Variants in TRIM36 observed in about 807,000 individuals in gnomAD.
TRIM36 encodes the protein tripartite motif containing 36, also known as E3 ubiquitin-protein ligase TRIM36.
A neutral mutation model predicts 72.4 loss-of-function variants in TRIM36; 42 were observed. The observed-to-expected ratio is 0.58, with a 90% CI of 0.45 to 0.75. The LOEUF is 0.75. TRIM36 is among the 30% of genes least tolerant of loss of function. The pLI is 0.00. For missense variants in TRIM36, 913 were observed against 857.1 expected (o/e 1.07, Z -0.81); for synonymous variants, 315 against 282.8 (o/e 1.11, Z -1.14).
Position 115,147,218 on chromosome 5 carries a change from G to A in TRIM36, c.439C>T (p.Leu147Phe). The A allele has an allele frequency of 2.5e-6, 4 of 1,614,144 alleles. No homozygotes were observed. The highest frequency in any genetic ancestry group is 3.4e-6 in the Non-Finnish European group (4 of 1,180,036). Residue 147 changes from leucine (L) to phenylalanine (F), a missense_variant, in exon 3 of 10, where the codon CTT becomes TTT. Coordinates refer to ENST00000513154, the MANE Select transcript of TRIM36 (RefSeq NM_001300759.2). ...GATTCTTGAGGTGGTGGTTTACAAA[G>A]GTCACACATAATGGCTGTGGCTGCC... is the stretch of plus-strand genomic sequence containing the variant. ...ARAATAIMCD[L>F]CKPPPQESTK...
chr5:115,133,088 G>A (rs1158422889), intron 8 of TRIM36, among the ~76,000 whole-genome samples: 2 of 152,186 alleles, frequency 1.3e-5, no homozygotes, highest in African/African-American at 4.8e-5. Context: ...ACTAAAAAGA[G>A]GCAAGGGACA....
upstream of TRIM36, among the ~76,000 whole-genome samples, chr5:115,173,831 A>G (rs906535273): frequency 6.6e-6 from 1 of 152,228 alleles, no homozygotes; most frequent in Non-Finnish European, 1.5e-5. Context: ...ATGCAAAACA[A>G]GAAAACCTAT....
intron 2 of TRIM36, among the ~76,000 whole-genome samples, chr5:115,154,241 G>A (rs1754047078): frequency 6.6e-6 from 1 of 151,780 alleles, no homozygotes; most frequent in Non-Finnish European, 1.5e-5. Context: ...GTCTGAAAGA[G>A]CACCAAGAGA....
In TRIM36 at chr5:115,129,644, T is replaced by C. The variant is rs111674172; in HGVS notation, c.1796+948A>G. 8.5e-5 allele frequency among the ~76,000 whole-genome samples: 13 copies of C among 152,262 alleles called. 1 individual carries two copies. Among genetic ancestry groups the C allele is most frequent in the African/African-American group, 3.1e-4 (13 of 41,564 alleles). The stretch of plus-strand genomic sequence containing the variant: ...AGTGAAATATATGAGCACTGTAAAA[T>C]AATGCAAGAGAAAAAAGCATGTTTC... On this transcript the variant is annotated intron_variant, in intron 9 of 9. Coordinates refer to ENST00000513154, the MANE Select transcript of TRIM36 (RefSeq NM_001300759.2).
intron 4 of TRIM36, among the ~76,000 whole-genome samples, chr5:115,142,442 A>T (rs1281720485): frequency 2.6e-5 from 4 of 152,238 alleles, no homozygotes; most frequent in Non-Finnish European, 4.4e-5. Flanking sequence ...TAGTTGTATG[A>T]TAGCAGCTTA....
In TRIM36 at chr5:115,180,020, CT is replaced by C; in HGVS notation, c.17del (p.Glu6GlyfsTer2). 1 of 1,614,150 alleles carries C rather than the reference CT, an allele frequency of 6.2e-7. No homozygotes were observed. Among genetic ancestry groups the C allele is most frequent in the East Asian group, 2.2e-5 (1 of 44,866 alleles). ...CCATGATGTAGCCAAATTCACTCAT[CT>C]CCCCAGACTCCGACATGTTTACACC... is the stretch of plus-strand genomic sequence containing the variant. On this transcript the variant is annotated frameshift_variant, in exon 1 of 10. Transcript: ENST00000282369. LOFTEE classifies it high-confidence loss of function.
upstream of TRIM36, chr5:115,170,042 T>A (rs1755024699): frequency 2.1e-6 from 2 of 947,864 alleles, no homozygotes; most frequent in Non-Finnish European, 1.3e-6. Context: ...GTAGGCCGGG[T>A]GTCTGAGTGG....
At chr5:115,162,002 G>A (rs1357474848) in intron 2 of TRIM36, among the ~76,000 whole-genome samples, 1 of 152,124 alleles carries the variant, frequency 6.6e-6, no homozygotes, top group African/African-American at 2.4e-5. Context: ...CCTTAGTGGG[G>A]TGTGTGTGCG....
At chr5:115,152,314 A>G (rs1753935809) in intron 2 of TRIM36, among the ~76,000 whole-genome samples, 1 of 152,170 alleles carries the variant, frequency 6.6e-6, no homozygotes, top group Non-Finnish European at 1.5e-5. Flanking sequence ...CCAATCCAAC[A>G]AAGACAAAGA....
intron 5 of TRIM36, among the ~76,000 whole-genome samples, chr5:115,139,824 A>G (rs1753180593): frequency 6.6e-6 from 1 of 152,210 alleles, no homozygotes; most frequent in African/African-American, 2.4e-5. Context: ...ATCCCAAGGA[A>G]TCAGTGTCTA....
At chr5:115,144,570 A>G (rs544284847) in intron 4 of TRIM36, 28 bp downstream of exon 4, 1 of 1,612,422 alleles carries the variant, frequency 6.2e-7, no homozygotes, top group East Asian at 2.2e-5. Flanking sequence ...ACGAAGAATC[A>G]AAATTCTGTT....
intron 5 of TRIM36, among the ~76,000 whole-genome samples, chr5:115,138,150 A>G (rs1426332235): frequency 1.3e-5 from 2 of 152,146 alleles, no homozygotes; most frequent in East Asian, 3.8e-4. Context: ...CACAGACTGG[A>G]GTGCAGTGGT....
chr5:115,137,284 C>A, intron 6 of TRIM36, 79 bp downstream of exon 6: 11 of 1,522,616 alleles, frequency 7.2e-6, no homozygotes, highest in Non-Finnish European at 8.8e-6. Context: ...ATGGACCAAT[C>A]AGAGCTAAAG....
chr5:115,152,315 A>G (rs899849610), intron 2 of TRIM36, among the ~76,000 whole-genome samples: 19 of 152,136 alleles, frequency 1.2e-4, no homozygotes, highest in Non-Finnish European at 2.8e-4. Flanking sequence ...CAATCCAACA[A>G]AGACAAAGAA....
intron 5 of TRIM36, among the ~76,000 whole-genome samples, chr5:115,138,633 A>G (rs1347809333): frequency 6.6e-6 from 1 of 152,172 alleles, no homozygotes; most frequent in African/African-American, 2.4e-5. Flanking sequence ...TAAAGTATAT[A>G]CCACAGTGTC....
chr5:115,138,531 T>C (rs1267510075), intron 5 of TRIM36, among the ~76,000 whole-genome samples: 1 of 152,198 alleles, frequency 6.6e-6, no homozygotes, highest in Non-Finnish European at 1.5e-5. Flanking sequence ...TGCTAATCAT[T>C]TCACTTCTCT....
intron 2 of TRIM36, among the ~76,000 whole-genome samples, chr5:115,150,011 G>A (rs890951803): frequency 1.6e-4 from 25 of 152,020 alleles, no homozygotes; most frequent in African/African-American, 5.8e-4. Flanking sequence ...CACCTGCCTC[G>A]GCCTCCCAAA....
intron 2 of TRIM36, among the ~76,000 whole-genome samples, chr5:115,153,084 C>A (rs1027979216): frequency 6.6e-6 from 1 of 152,068 alleles, no homozygotes; most frequent in Non-Finnish European, 1.5e-5. Flanking sequence ...TAAAAAAAGA[C>A]AAAGAATTGC....
intron 2 of TRIM36, among the ~76,000 whole-genome samples, chr5:115,161,094 CTCTT>C (rs749360003): frequency 2.4e-4 from 36 of 152,168 alleles, no homozygotes; most frequent in Non-Finnish European, 3.7e-4. Flanking sequence ...TGGGTGCTCT[CTCTT>C]TGTTAACTTG....
Sources: gnomAD v4.1 joint callset for allele counts (sites outside exome capture counted in the v4.1 genomes callset) on GRCh38, gnomAD v4.1.1 for gene constraint, MANE v1.5 for transcripts, NCBI Gene and HGNC (gene_info 2026-07-23, HGNC 2026-07-21) for gene names.